The following UNC13C variants were observed in gnomAD, a reference collection of about 807,000 sequenced individuals.
The protein encoded by UNC13C is unc-13 homolog C, also known as protein unc-13 homolog C.
Under a neutral mutation model 245.4 loss-of-function variants are expected in UNC13C, and 174 were observed. The ratio of observed to expected loss-of-function variants is 0.71; its 90% CI spans 0.63 to 0.80. The LOEUF (loss-of-function observed/expected upper bound fraction) is 0.80, where lower values mean the gene tolerates loss of function less well. Ranked by LOEUF, UNC13C falls within the 30% of genes least tolerant of loss-of-function variation. UNC13C has a pLI of 0.00. For missense variants in UNC13C, 2,829 were observed against 2,602.9 expected (o/e 1.09, Z -1.89); for synonymous variants, 992 against 895.1 (o/e 1.11, Z -1.93).
the UNC13C span, among the ~76,000 whole-genome samples, chr15:53,853,267 A>G: frequency 6.6e-6 from 1 of 152,156 alleles, no homozygotes; most frequent in African/African-American, 2.4e-5. Flanking sequence ...AAATGAGAAC[A>G]TGCAGTGTTT....
Position 54,218,969 on chromosome 15 carries a change from A to G in UNC13C, c.3072-16061A>G, listed in dbSNP as rs28590768. On this transcript the variant is annotated intron_variant, in intron 4 of 32. Transcript: ENST00000260323. The stretch of plus-strand genomic sequence containing the variant: ...AAAGAGGATACAAACAAATGGAAGA[A>G]CATTCCATGCTCATGGGTAGGAAGA... 4.9e-3 allele frequency among the ~76,000 whole-genome samples: 749 copies of G among 152,204 alleles called. 8 individuals carry two copies. Among genetic ancestry groups the G allele is most frequent in the African/African-American group, 0.018 (727 of 41,532 alleles).
intron 1 of UNC13C, among the ~76,000 whole-genome samples, chr15:53,999,219 C>T (rs1006816949): frequency 6.6e-6 from 1 of 151,690 alleles, no homozygotes; most frequent in African/African-American, 2.4e-5. Context: ...AAAATTCCGC[C>T]TGGAGCTTTC....
intron 11 of UNC13C, among the ~76,000 whole-genome samples, chr15:54,295,824 G>A (rs990985059): frequency 4.6e-5 from 7 of 152,122 alleles, no homozygotes; most frequent in African/African-American, 1.7e-4. Context: ...ACGCAATATT[G>A]TAAGTCTTTA....
chr15:54,337,709 T>G (rs2038622250), intron 16 of UNC13C, among the ~76,000 whole-genome samples: 1 of 152,198 alleles, frequency 6.6e-6, no homozygotes, highest in Non-Finnish European at 1.5e-5. Context: ...CATAGCCCAC[T>G]TTAAGGCAGC....
chr15:54,323,100 T>C (rs1328732160), intron 14 of UNC13C, among the ~76,000 whole-genome samples: 3 of 151,894 alleles, frequency 2.0e-5, no homozygotes, highest in Non-Finnish European at 4.4e-5. Context: ...TCCAATTTAG[T>C]TTACTGAATA....
intron 2 of UNC13C, among the ~76,000 whole-genome samples, chr15:54,082,203 T>C (rs909888871): frequency 7.2e-5 from 11 of 152,138 alleles, no homozygotes; most frequent in Non-Finnish European, 1.6e-4. Context: ...CTTCAAGTTG[T>C]TTTCATTAGC....
chr15:54,586,288 A>G (rs1898487639), intron 30 of UNC13C, among the ~76,000 whole-genome samples: 1 of 152,212 alleles, frequency 6.6e-6, no homozygotes, highest in South Asian at 2.1e-4. Flanking sequence ...TTCTTAACAA[A>G]ATACTACAGA....
chr15:54,159,160 TTACTTATTA>T (rs2032873713), intron 4 of UNC13C, among the ~76,000 whole-genome samples: 5 of 152,334 alleles, frequency 3.3e-5, no homozygotes, highest in African/African-American at 1.2e-4. Flanking sequence ...GCAATGTGTC[TTACTTATTA>T]TACTTTAGCT....
At chr15:54,100,461 CAAATTCT>C (rs750017945) in intron 2 of UNC13C, among the ~76,000 whole-genome samples, 7 of 152,200 alleles carry the variant, frequency 4.6e-5, no homozygotes, top group Non-Finnish European at 8.8e-5. Context: ...CTCCTGCATA[CAAATTCT>C]AAATTTTGGG....
chr15:54,459,379 T>C (rs924085749), intron 19 of UNC13C, among the ~76,000 whole-genome samples: 4 of 152,210 alleles, frequency 2.6e-5, no homozygotes, highest in African/African-American at 9.6e-5. Flanking sequence ...CCCTAGGTGA[T>C]GACCTTTTTG....
At chr15:54,369,692 C>G (rs1174628255) in intron 17 of UNC13C, among the ~76,000 whole-genome samples, 1 of 152,044 alleles carries the variant, frequency 6.6e-6, no homozygotes, top group Non-Finnish European at 1.5e-5. Flanking sequence ...CACAGTGTCA[C>G]TGACATTACT....
At chr15:54,327,751 C>A (rs1353897458) in intron 14 of UNC13C, among the ~76,000 whole-genome samples, 1 of 151,988 alleles carries the variant, frequency 6.6e-6, no homozygotes, top group Non-Finnish European at 1.5e-5. Context: ...GTAATTTTTT[C>A]TTCTGCGATT....
intron 4 of UNC13C, among the ~76,000 whole-genome samples, chr15:54,221,235 A>AT (rs1011263964): frequency 2.0e-5 from 3 of 151,988 alleles, no homozygotes; most frequent in East Asian, 1.9e-4. Flanking sequence ...TAATTTAATT[A>AT]TTTTTTTCAC....
chr15:53,850,871 CT>C, the UNC13C span, among the ~76,000 whole-genome samples: 210 of 145,326 alleles, frequency 1.4e-3, no homozygotes, highest in African/African-American at 2.8e-3. Flanking sequence ...TTTTTCCAAC[CT>C]TTTTTTTTTT....
At chr15:54,312,699 T>A (rs1193404100) in intron 13 of UNC13C, among the ~76,000 whole-genome samples, 3 of 151,706 alleles carry the variant, frequency 2.0e-5, no homozygotes, top group African/African-American at 7.3e-5. Flanking sequence ...GAGAAACAGC[T>A]TTACTGCCTG....
intron 26 of UNC13C, among the ~76,000 whole-genome samples, chr15:54,534,312 C>T (rs774103572): frequency 6.6e-6 from 1 of 152,162 alleles, no homozygotes; most frequent in Non-Finnish European, 1.5e-5. Context: ...CCAAGTTAAG[C>T]CTTGGCCCCC....
intron 15 of UNC13C, 80 bp from the exon 16 acceptor site, chr15:54,333,687 T>A: frequency 2.4e-6 from 2 of 839,694 alleles, no homozygotes; most frequent in Non-Finnish European, 3.9e-6. Flanking sequence ...TTTTCTTTCA[T>A]GAGAAGCTAG....
chr15:54,322,966 G>A (rs976377327), intron 14 of UNC13C, among the ~76,000 whole-genome samples: 1 of 151,550 alleles, frequency 6.6e-6, no homozygotes, highest in African/African-American at 2.4e-5. Context: ...TGGGTAGGCA[G>A]TAGCGCTGTT....
At chr15:54,255,039 C>A (rs2036244659) in intron 8 of UNC13C, among the ~76,000 whole-genome samples, 2 of 152,110 alleles carry the variant, frequency 1.3e-5, no homozygotes. Context: ...TTCTTCAGTG[C>A]CCCGCTTCTC....
Sources: gnomAD v4.1 joint callset for allele counts (sites outside exome capture counted in the v4.1 genomes callset) on GRCh38, gnomAD v4.1.1 for gene constraint, MANE v1.5 for transcripts, NCBI Gene and HGNC (gene_info 2026-07-23, HGNC 2026-07-21) for gene names.